ADGRG2: variants seen among roughly 807,000 people sequenced by gnomAD.
ADGRG2 encodes the protein G protein-coupled receptor 64.
Under a neutral mutation model 74.1 loss-of-function variants are expected in ADGRG2, and 26 were observed. The ratio of observed to expected loss-of-function variants is 0.35; its 90% CI spans 0.26 to 0.49. ADGRG2 has a LOEUF of 0.49. ADGRG2 is among the 20% of genes least tolerant of loss of function. The pLI is 0.99. For synonymous variants in ADGRG2, 296 were observed against 295.2 expected, an observed-to-expected ratio of 1.00 and a Z score of -0.03; for missense variants, 619 against 763.1, an observed-to-expected ratio of 0.81 and a Z score of 2.22.
At chrX:18,992,432 G>C (rs1482159702) in intron 28 of ADGRG2, among the ~76,000 whole-genome samples, 5 of 111,956 alleles carry the variant, frequency 4.5e-5, no homozygotes, top group African/African-American at 1.6e-4. Flanking sequence ...TGGGACTACA[G>C]GTGTGTGCCA....
intron 3 of ADGRG2, among the ~76,000 whole-genome samples, chrX:19,067,627 G>GTTATGTC: frequency 8.9e-6 from 1 of 111,885 alleles, no homozygotes; most frequent in Non-Finnish European, 1.9e-5. Flanking sequence ...GACAACAAAA[G>GTTATGTC]TAAAAATAAA....
At chrX:19,008,986 C>G (rs1275775905) in intron 18 of ADGRG2, among the ~76,000 whole-genome samples, 1 of 111,713 alleles carries the variant, frequency 9.0e-6, no homozygotes, top group Non-Finnish European at 1.9e-5. Flanking sequence ...CCACTATATA[C>G]AGCAGTGCAG....
chrX:19,103,280 T>C (rs1357690748), intron 1 of ADGRG2, among the ~76,000 whole-genome samples: 1 of 111,672 alleles, frequency 9.0e-6, no homozygotes, highest in African/African-American at 3.3e-5. Flanking sequence ...GGTTTACAAA[T>C]GCCATGGCAA....
upstream of ADGRG2, chrX:19,122,514 C>T (rs923725848): frequency 2.7e-5 from 3 of 110,506 alleles, no homozygotes; most frequent in Non-Finnish European, 3.8e-5. Context: ...GGGCTGCGGC[C>T]CTCCTCCCCC....
chrX:19,117,293 CA>C lies in ADGRG2; in HGVS notation c.-47+5148del, dbSNP rs59752356. Among the ~76,000 whole-genome samples, 474 of 79,756 alleles carry C rather than the reference CA, an allele frequency of 5.9e-3. 4 individuals carry two copies. The highest frequency in any genetic ancestry group is 0.02 in the African/African-American group (428 of 21,334). The allele number at this position is 79,756 out of a possible 115,157, so 69.3% of individuals were successfully genotyped here. On this transcript the variant is annotated intron_variant, in intron 1 of 28. Coordinates refer to ENST00000379869, the MANE Select transcript of ADGRG2 (RefSeq NM_001079858.3). ...TGGGCAACAGAGTGAGACTCTGTCT[CA>C]AAAAAAAAAATTAAAAAATTAAAAA...
At chrX:19,055,270 GTA>G (rs1210510050) in intron 3 of ADGRG2, among the ~76,000 whole-genome samples, 1 of 108,637 alleles carries the variant, frequency 9.2e-6, no homozygotes, top group Non-Finnish European at 1.9e-5. Context: ...GTGTGTGTGT[GTA>G]TGTGTGTGTG....
intron 15 of ADGRG2, among the ~76,000 whole-genome samples, chrX:19,015,606 C>A (rs930254965): frequency 2.7e-5 from 3 of 112,280 alleles, no homozygotes; most frequent in African/African-American, 9.7e-5. Flanking sequence ...ATAATCCCAG[C>A]TACTCGGGAG....
chrX:19,057,397 T>C (rs1395262390), intron 3 of ADGRG2, among the ~76,000 whole-genome samples: 2 of 112,073 alleles, frequency 1.8e-5, no homozygotes, highest in Non-Finnish European at 3.8e-5. Context: ...CTGAAGTTCA[T>C]AGAAATCCAC....
intron 14 of ADGRG2, 139 bp downstream of exon 14, chrX:19,020,964 AG>A (rs1278128668): frequency 1.1e-5 from 5 of 460,126 alleles, no homozygotes; most frequent in African/African-American, 1.0e-4. Context: ...CAAAAAAAAA[AG>A]AGAGAGAAAT....
rs751384045 is a variant in ADGRG2 at position 19,037,513 on chromosome X, CAAT to C, written c.203-26_203-24del. ...CCTCTTTTTGTCCCGAGGAGAAAAA[CAAT>C]ACAAAGATATAATTAAAACAAAACT... On this transcript the variant is annotated intron_variant, in intron 5 of 28. Coordinates refer to ENST00000379869, the MANE Select transcript of ADGRG2 (RefSeq NM_001079858.3). 3 of 1,160,697 alleles carry C rather than the reference CAAT, an allele frequency of 2.6e-6. No individual in the cohort carries two copies. In the East Asian group the frequency reaches 9.0e-5, roughly 35 times the overall value.
chrX:19,077,686 G>A lies in ADGRG2; in HGVS notation c.-2+5016C>T, dbSNP rs750167929. 8.1e-5 allele frequency among the ~76,000 whole-genome samples: 9 copies of A among 111,377 alleles called. No individual in the cohort carries two copies. The South Asian group carries it at 3.4e-3, about 42-fold the overall frequency. ...TCAGAAAGTTTGAAAGTAAAGAGAT[G>A]GAAAAGATATGCTATGCCCACACTA... On this transcript the variant is annotated intron_variant, in intron 2 of 28. Transcript: ENST00000379869.
At chrX:19,017,381 C>G (rs2060490881) in intron 15 of ADGRG2, among the ~76,000 whole-genome samples, 1 of 112,215 alleles carries the variant, frequency 8.9e-6, no homozygotes, top group Non-Finnish European at 1.9e-5. Flanking sequence ...GGATACACAG[C>G]TAGTTAATGA....
chrX:19,016,367 C>T (rs1217511932), intron 15 of ADGRG2, among the ~76,000 whole-genome samples: 1 of 110,402 alleles, frequency 9.1e-6, no homozygotes, highest in Admixed American at 9.6e-5. Flanking sequence ...ATTAGAAAGA[C>T]CCTGGGTGGG....
intron 4 of ADGRG2, 108 bp from the exon 5 acceptor site, chrX:19,037,744 T>C: frequency 1.9e-6 from 1 of 518,390 alleles, no homozygotes; most frequent in Non-Finnish European, 3.1e-6. Context: ...GAAAACACAC[T>C]AGCAGACCAA....
At chrX:19,045,021 A>G (rs2061148878) in intron 3 of ADGRG2, among the ~76,000 whole-genome samples, 1 of 111,569 alleles carries the variant, frequency 9.0e-6, no homozygotes, top group Non-Finnish European at 1.9e-5. Context: ...TGGAAGAGGC[A>G]GGCAGAAGAG....
At chrX:19,033,237 T>C in intron 8 of ADGRG2, 1 of 129,694 alleles carries the variant, frequency 7.7e-6, no homozygotes, top group Non-Finnish European at 1.5e-5. Context: ...GAAAAAAAAA[T>C]TTGAGGTTCA....
intron 1 of ADGRG2, among the ~76,000 whole-genome samples, chrX:19,107,839 G>C (rs948096724): frequency 9.1e-6 from 1 of 109,389 alleles, no homozygotes; most frequent in Non-Finnish European, 1.9e-5. Context: ...GGTGGCTCAC[G>C]TCTGTAATCC....
chrX:19,021,802 C>A (rs144081933), intron 13 of ADGRG2, among the ~76,000 whole-genome samples: 6 of 110,261 alleles, frequency 5.4e-5, no homozygotes, highest in African/African-American at 1.3e-4. Flanking sequence ...CGTGTATCAC[C>A]ACACCCCACT....
chrX:18,991,894 A>T (rs1488512799), intron 28 of ADGRG2, among the ~76,000 whole-genome samples: 1 of 112,258 alleles, frequency 8.9e-6, no homozygotes, highest in Non-Finnish European at 1.9e-5. Context: ...ACACTTTATT[A>T]TCTCATTTAG....
Sources: allele counts gnomAD v4.1 joint callset (sites outside exome capture counted in the v4.1 genomes callset), GRCh38; gene constraint gnomAD v4.1.1; transcripts MANE v1.5; gene names NCBI Gene and HGNC (gene_info 2026-07-23, HGNC 2026-07-21).